MIS18A: variants seen among roughly 807,000 people sequenced by gnomAD.
The protein encoded by MIS18A is MIS18 kinetochore protein A, also known as protein Mis18-alpha.
A neutral mutation model predicts 25.0 loss-of-function variants in MIS18A; 14 were observed. The observed-to-expected ratio is 0.56, with a 90% CI of 0.37 to 0.88. The LOEUF (loss-of-function observed/expected upper bound fraction) is 0.88. Among genes scored for constraint, MIS18A ranks in the 40% least tolerant of loss-of-function variants. The pLI, the probability that MIS18A is intolerant of heterozygous loss-of-function variation, is 0.00. For missense variants in MIS18A, 292 were observed against 290.8 expected (o/e 1.00, Z -0.03); for synonymous variants, 134 against 118.6 (o/e 1.13, Z -0.84).
At chr21:32,174,892 A>G in the MIS18A span, among the ~76,000 whole-genome samples, 1 of 152,352 alleles carries the variant, frequency 6.6e-6, no homozygotes, top group East Asian at 1.9e-4. Flanking sequence ...AGTCTCAAAT[A>G]TAAGAGAACT....
At chr21:32,262,504 A>G in the MIS18A span, among the ~76,000 whole-genome samples, 1 of 152,218 alleles carries the variant, frequency 6.6e-6, no homozygotes, top group Non-Finnish European at 1.5e-5. Context: ...CGGTTAATGG[A>G]GAGAAACGTG....
chr21:32,232,548 TTGAA>T, the MIS18A span, among the ~76,000 whole-genome samples: 1 of 152,034 alleles, frequency 6.6e-6, no homozygotes. Flanking sequence ...ATATATATAA[TTGAA>T]TATTATTCAG....
chr21:32,170,340 T>A, the MIS18A span, among the ~76,000 whole-genome samples: 1 of 152,144 alleles, frequency 6.6e-6, no homozygotes, highest in Non-Finnish European at 1.5e-5. Flanking sequence ...CATAAGGCCC[T>A]TCTTTATTTG....
chr21:32,241,320 C>A, the MIS18A span, among the ~76,000 whole-genome samples: 1 of 151,542 alleles, frequency 6.6e-6, no homozygotes, highest in Non-Finnish European at 1.5e-5. Context: ...GAGCAACATT[C>A]CAGTGGAGTA....
chr21:32,230,935 G>A, the MIS18A span, among the ~76,000 whole-genome samples: 1 of 152,092 alleles, frequency 6.6e-6, no homozygotes, highest in African/African-American at 2.4e-5. Context: ...TCAAGAGAGT[G>A]AAAAGACAAC....
At chr21:32,241,931 T>C in the MIS18A span, among the ~76,000 whole-genome samples, 4 of 152,118 alleles carry the variant, frequency 2.6e-5, no homozygotes, top group Admixed American at 6.5e-5. Flanking sequence ...CAGGCTGGAG[T>C]GCAGTGGCGC....
At chr21:32,276,226 C>T (rs916256233) in intron 1 of MIS18A, among the ~76,000 whole-genome samples, 3 of 151,902 alleles carry the variant, frequency 2.0e-5, no homozygotes, top group African/African-American at 7.3e-5. Flanking sequence ...TTTGGGAGGC[C>T]GAGGCAGGCG....
the MIS18A span, among the ~76,000 whole-genome samples, chr21:32,222,356 C>T: frequency 6.6e-6 from 1 of 152,206 alleles, no homozygotes; most frequent in South Asian, 2.1e-4. Flanking sequence ...GACTTTAGCA[C>T]CCCACTAACA....
chr21:32,273,994 A>G (rs1291679274), intron 2 of MIS18A, among the ~76,000 whole-genome samples: 6 of 151,958 alleles, frequency 3.9e-5, no homozygotes. Flanking sequence ...CTCTACCCTT[A>G]AAGTGGCCAC....
At chr21:32,184,628 T>A in the MIS18A span, among the ~76,000 whole-genome samples, 1 of 152,160 alleles carries the variant, frequency 6.6e-6, no homozygotes, top group Non-Finnish European at 1.5e-5. Flanking sequence ...CCCTTTTCAG[T>A]TGCACAACCC....
chr21:32,236,234 T>G, the MIS18A span, among the ~76,000 whole-genome samples: 1 of 150,816 alleles, frequency 6.6e-6, no homozygotes, highest in Non-Finnish European at 1.5e-5. Context: ...TACAAAAAAA[T>G]TAGCCAGGCG....
At chr21:32,203,233 C>G in the MIS18A span, among the ~76,000 whole-genome samples, 5 of 150,674 alleles carry the variant, frequency 3.3e-5, no homozygotes, top group Admixed American at 3.3e-4. Context: ...AAGAGGAACT[C>G]CAGAAAGAAG....
At chr21:32,204,374 G>A in the MIS18A span, among the ~76,000 whole-genome samples, 2 of 151,480 alleles carry the variant, frequency 1.3e-5, no homozygotes, top group Non-Finnish European at 2.9e-5. Context: ...GCAGGCGCCT[G>A]TAATCCCAGC....
At chr21:32,177,429 T>C in the MIS18A span, among the ~76,000 whole-genome samples, 1 of 152,150 alleles carries the variant, frequency 6.6e-6, no homozygotes, top group South Asian at 2.1e-4. Flanking sequence ...TGTAACTATA[T>C]TGTACTAGAA....
At chr21:32,188,003 G>GTCTCTCTCTCTCTCTCTCTC in the MIS18A span, among the ~76,000 whole-genome samples, 4 of 149,992 alleles carry the variant, frequency 2.7e-5, no homozygotes, top group South Asian at 4.3e-4. Context: ...CTCCCTTTCT[G>GTCTCTCTCTCTCTCTCTCTC]TCTCTCTCTC....
At chr21:32,163,117 G>A in the MIS18A span, among the ~76,000 whole-genome samples, 1 of 152,166 alleles carries the variant, frequency 6.6e-6, no homozygotes, top group Non-Finnish European at 1.5e-5. Context: ...ATCAGATGCT[G>A]GTTTAATCCC....
At chr21:32,277,598 G>A (rs1032877329) in intron 1 of MIS18A, among the ~76,000 whole-genome samples, 3 of 152,120 alleles carry the variant, frequency 2.0e-5, no homozygotes, top group South Asian at 2.1e-4. Flanking sequence ...GATTACAGGC[G>A]CACACCACCA....
At chr21:32,172,933 C>CGT in the MIS18A span, among the ~76,000 whole-genome samples, 1,030 of 152,224 alleles carry the variant, frequency 6.8e-3, 12 homozygotes, top group African/African-American at 0.023. Context: ...ATTCCAACCT[C>CGT]ACACCATAGC....
At chr21:32,209,697 T>C in the MIS18A span, among the ~76,000 whole-genome samples, 2 of 152,142 alleles carry the variant, frequency 1.3e-5, no homozygotes, top group Admixed American at 1.3e-4. Flanking sequence ...AATTGAATCA[T>C]GGGGGCGGTT....
Sources: allele counts gnomAD v4.1 joint callset (sites outside exome capture counted in the v4.1 genomes callset), GRCh38; gene constraint gnomAD v4.1.1; transcripts MANE v1.5; gene names NCBI Gene and HGNC (gene_info 2026-07-23, HGNC 2026-07-21).